CD109: variants seen among roughly 807,000 people sequenced by gnomAD.
CD109 encodes CD109 antigen.
In CD109, 149 loss-of-function variants were observed where a neutral mutation model predicts 165.8. The observed-to-expected ratio is 0.90, with a 90% confidence interval of 0.79 to 1.03. The LOEUF is 1.03. Among genes scored for constraint, CD109 ranks in the 50% least tolerant of loss-of-function variants. The pLI is 0.00. For missense variants in CD109, 1,712 were observed against 1,677.8 expected, an observed-to-expected ratio of 1.02 and a Z score of -0.36; for synonymous variants, 585 against 592.1, an observed-to-expected ratio of 0.99 and a Z score of 0.18.
chr6:73,783,526 T>G (rs552817318), intron 18 of CD109, among the ~76,000 whole-genome samples, 181 bp from the exon 19 acceptor site: 1 of 152,374 alleles, frequency 6.6e-6, no homozygotes, highest in East Asian at 1.9e-4. Context: ...TGATGACCTA[T>G]TCTTTGAAAA....
chr6:73,754,670 A>C (rs1309015881), intron 5 of CD109, among the ~76,000 whole-genome samples: 2 of 152,250 alleles, frequency 1.3e-5, no homozygotes, highest in African/African-American at 2.4e-5. Context: ...TTTATTGAGC[A>C]CTTATTTTGT....
Position 73,810,176 on chromosome 6 carries a change from T to G in CD109, c.3546+2T>G, listed in dbSNP as rs1775704062. On this transcript the variant is annotated splice_donor_variant, in intron 27 of 32. Coordinates refer to ENST00000287097, the MANE Select transcript of CD109 (RefSeq NM_133493.5). LOFTEE classifies it high-confidence loss of function. ...TTGGGTGGTTTTGCATCTACTCAGG[T>G]GAGAGATGATAGTTTTTTCCCTTTA... 1 of 1,528,056 alleles carries G rather than the reference T, an allele frequency of 6.5e-7. No homozygotes were observed. The highest frequency in any genetic ancestry group is 1.4e-5 in the African/African-American group (1 of 70,730). The allele number at this position is 1,528,056 out of a possible 1,614,324, so 94.7% of individuals were successfully genotyped here. A position where few individuals can be genotyped will look rare whatever the true frequency, so the allele number is the denominator to read the frequency against.
At chr6:73,762,597 A>G (rs1378909105) in intron 8 of CD109, 117 bp downstream of exon 8, 7 of 956,202 alleles carry the variant, frequency 7.3e-6, no homozygotes, top group Non-Finnish European at 1.1e-5. Context: ...AGAGCTTTCC[A>G]GCATTGAACA....
Position 73,723,089 on chromosome 6 carries a change from T to G in CD109, c.248-162T>G, listed in dbSNP as rs564696031. 136 of 971,684 alleles carry G rather than the reference T, an allele frequency of 1.4e-4. No individual in the cohort carries two copies. The Middle Eastern group carries it at 3.7e-3, about 27-fold the overall frequency. 60.2% of individuals were successfully genotyped at this position (971,684 alleles called of 1,614,324 possible). ...GTTTGGCACAAAGATATGTAATAAT[T>G]TCTTGGGTCTTCTGGGCATTTAAAT... On this transcript the variant is annotated intron_variant, in intron 2 of 32. Transcript: ENST00000287097.
rs780970981 is a variant in CD109, at chr6:73,762,419, C to T, written c.794C>T (p.Thr265Met). 2.0e-5 allele frequency: 32 copies of T among 1,611,394 alleles called. No homozygotes were observed. Among genetic ancestry groups the T allele is most frequent in the African/African-American group, 4.0e-5 (3 of 74,848 alleles). The change falls in exon 8 of 33, where the codon ACG (threonine) becomes ATG (methionine). Residue 265 changes from threonine (T) to methionine (M), a missense_variant. By Grantham distance (81) the Thr-to-Met change is moderately conservative (BLOSUM62 -1). Transcript: ENST00000287097. ...GGGAAGCCAGTGAAAGGAGACGTAA[C>T]GCTTACATTTTTACCTTTATCCTTT... The part of the protein sequence containing the change: ...TYGKPVKGDV[T>M]LTFLPLSFWG...
intron 2 of CD109, among the ~76,000 whole-genome samples, chr6:73,702,629 T>C (rs942226784): frequency 2.0e-5 from 3 of 152,248 alleles, no homozygotes; most frequent in Non-Finnish European, 4.4e-5. Context: ...ATAATCACGA[T>C]GTGCCTGGGC....
intron 13 of CD109, among the ~76,000 whole-genome samples, chr6:73,767,307 A>G (rs1225405786): frequency 6.6e-6 from 1 of 152,084 alleles, no homozygotes; most frequent in Non-Finnish European, 1.5e-5. Flanking sequence ...AATATGTGGT[A>G]TTTGGTTTTC....
intron 2 of CD109, among the ~76,000 whole-genome samples, chr6:73,706,207 TG>T (rs1452534635): frequency 1.3e-5 from 2 of 152,198 alleles, no homozygotes; most frequent in African/African-American, 2.4e-5. Flanking sequence ...TGCACAGATC[TG>T]GCCACCACTT....
intron 5 of CD109, among the ~76,000 whole-genome samples, chr6:73,738,923 A>G (rs1359509298): frequency 1.3e-5 from 2 of 152,154 alleles, no homozygotes; most frequent in Non-Finnish European, 1.5e-5. Context: ...TGTTCCAGAC[A>G]TTCCCATAGT....
Position 73,721,888 on chromosome 6 carries a change from C to T in CD109, c.248-1363C>T, listed in dbSNP as rs1308861430. 3.9e-5 allele frequency among the ~76,000 whole-genome samples: 6 copies of T among 152,128 alleles called. 1 individual carries two copies. The highest frequency in any genetic ancestry group is 1.3e-4 in the Admixed American group (2 of 15,266). ...AGTAGCTGGGACTACAGGCGTGCCA[C>T]TATGCCTGGCTAATTTTTGTAGTTT... is the stretch of plus-strand genomic sequence containing the variant. On this transcript the variant is annotated intron_variant, in intron 2 of 32. Transcript: ENST00000287097.
intron 4 of CD109, among the ~76,000 whole-genome samples, chr6:73,734,237 CA>C (rs1160293215): frequency 1.3e-5 from 2 of 152,120 alleles, no homozygotes; most frequent in Non-Finnish European, 2.9e-5. Context: ...CATTCTCCCC[CA>C]ACCCTCCAGA....
At chr6:73,780,566 G>T (rs1774446833) in intron 16 of CD109, 68 bp downstream of exon 16, 1 of 1,008,704 alleles carries the variant, frequency 9.9e-7, no homozygotes, top group Admixed American at 1.8e-5. Flanking sequence ...TTCAGAATTA[G>T]TGATCATTTT....
the CD109 span, among the ~76,000 whole-genome samples, chr6:73,690,675 C>G: frequency 3.3e-5 from 5 of 152,212 alleles, no homozygotes; most frequent in Non-Finnish European, 4.4e-5. Context: ...GCTGGGATTA[C>G]AGGCGTGAGC....
intron 2 of CD109, among the ~76,000 whole-genome samples, chr6:73,722,135 T>C (rs920607864): frequency 3.3e-5 from 5 of 152,242 alleles, no homozygotes; most frequent in Non-Finnish European, 5.9e-5. Context: ...AGTATTTTTA[T>C]TGATGGAGTA....
At chr6:73,814,857 G>A (rs1013452211) in intron 29 of CD109, 124 bp from the exon 30 acceptor site, 9 of 511,786 alleles carry the variant, frequency 1.8e-5, no homozygotes, top group Non-Finnish European at 2.5e-5. Flanking sequence ...TTTTTTTCTA[G>A]TTTGAAGATT....
rs768654664 is a variant in CD109, at chr6:73,785,378, A to G, written c.2238A>G (p.Gln746=). ...TTTPVELQAF[Q]PFFIFLNLPY... ...GTTCTTTCCAGCTCCAAGCCTTCCA[A>G]CCATTTTTCATTTTTTTGAATCTTC... is the stretch of plus-strand genomic sequence containing the variant. The change falls in exon 20 of 33, where the codon CAA becomes CAG. Residue 746 remains glutamine (Q), a synonymous_variant. Coordinates refer to ENST00000287097, the MANE Select transcript of CD109 (RefSeq NM_133493.5). 4 of 1,600,184 alleles carry G rather than the reference A, an allele frequency of 2.5e-6. No homozygotes were observed. The highest frequency in any genetic ancestry group is 1.7e-5 in the Admixed American group (1 of 58,782).
At chr6:73,729,715 T>C (rs138959924) in intron 3 of CD109, among the ~76,000 whole-genome samples, 4,433 of 151,958 alleles carry the variant, frequency 0.029, 100 homozygotes, top group Non-Finnish European at 0.037. Flanking sequence ...GGTTTCACCA[T>C]GTTGGCCAGG....
At chr6:73,776,944 A>G (rs921205227) in intron 15 of CD109, among the ~76,000 whole-genome samples, 1 of 147,680 alleles carries the variant, frequency 6.8e-6, no homozygotes, top group African/African-American at 2.5e-5. Flanking sequence ...GTATGCATGT[A>G]TGACTTCTTT....
At chr6:73,787,523 C>G (rs946699155) in intron 21 of CD109, 71 bp downstream of exon 21, 1 of 1,251,412 alleles carries the variant, frequency 8.0e-7, no homozygotes, top group Non-Finnish European at 1.1e-6. Flanking sequence ...GGTTTTTTCT[C>G]TTGGTTAAAT....
Sources: gnomAD v4.1 joint callset for allele counts (sites outside exome capture counted in the v4.1 genomes callset) on GRCh38, gnomAD v4.1.1 for gene constraint, MANE v1.5 for transcripts, NCBI Gene and HGNC (gene_info 2026-07-23, HGNC 2026-07-21) for gene names.